Variants in FRMD4B observed in about 807,000 individuals in gnomAD.
FRMD4B encodes the protein FERM domain containing 4B.
A neutral mutation model predicts 141.5 loss-of-function variants in FRMD4B; 74 were observed. That is an observed-to-expected ratio of 0.52 (90% CI 0.43 to 0.63). The LOEUF (loss-of-function observed/expected upper bound fraction) is 0.63. Among genes scored for constraint, FRMD4B ranks in the 30% least tolerant of loss-of-function variants. FRMD4B has a pLI of 0.00. For synonymous variants in FRMD4B, 506 were observed against 467.9 expected (o/e 1.08, Z -1.05); for missense variants, 1,366 against 1,253.4 (o/e 1.09, Z -1.36).
chr3:69,523,914 G>C (rs1477631313), intron 1 of FRMD4B, among the ~76,000 whole-genome samples: 1 of 152,164 alleles, frequency 6.6e-6, no homozygotes, highest in Non-Finnish European at 1.5e-5. Context: ...CCCTCTGTGA[G>C]GGATCAGAAG....
At chr3:69,286,196 C>T (rs1700684401) in intron 5 of FRMD4B, among the ~76,000 whole-genome samples, 1 of 152,132 alleles carries the variant, frequency 6.6e-6, no homozygotes, top group Admixed American at 6.5e-5. Context: ...GAAATATTAA[C>T]CTACACAAGT....
At chr3:69,347,045 T>C (rs1456252945) in intron 1 of FRMD4B, among the ~76,000 whole-genome samples, 1 of 152,150 alleles carries the variant, frequency 6.6e-6, no homozygotes, top group Non-Finnish European at 1.5e-5. Context: ...GCAAATTGGA[T>C]AAAGAGTCAA....
chr3:69,336,200 A>G (rs775390440), intron 1 of FRMD4B, among the ~76,000 whole-genome samples: 8 of 152,192 alleles, frequency 5.3e-5, no homozygotes, highest in Non-Finnish European at 1.0e-4. Context: ...AGAGAACAAG[A>G]GACAAGCTTA....
intron 1 of FRMD4B, among the ~76,000 whole-genome samples, chr3:69,477,920 GGT>G: frequency 6.6e-6 from 1 of 151,466 alleles, no homozygotes; most frequent in East Asian, 1.9e-4. Context: ...ACTTCTTCCT[GGT>G]TTAGTCTTGG....
chr3:69,179,134 G>A (rs1362872307), intron 21 of FRMD4B, among the ~76,000 whole-genome samples: 1 of 152,124 alleles, frequency 6.6e-6, no homozygotes, highest in East Asian at 1.9e-4. Flanking sequence ...TTCCACCCCT[G>A]TAGTTCTTTA....
chr3:69,480,988 C>T (rs1212755038), intron 1 of FRMD4B, among the ~76,000 whole-genome samples: 1 of 152,188 alleles, frequency 6.6e-6, no homozygotes, highest in African/African-American at 2.4e-5. Flanking sequence ...ATCAGCGAGA[C>T]TCCGTGGGCT....
chr3:69,378,187 C>T (rs1407712885), intron 1 of FRMD4B, among the ~76,000 whole-genome samples: 1 of 152,078 alleles, frequency 6.6e-6, no homozygotes, highest in African/African-American at 2.4e-5. Context: ...GCTTGTTAAT[C>T]TCCATTTCAG....
chr3:69,424,759 A>G (rs1030246204), intron 2 of FRMD4B, among the ~76,000 whole-genome samples: 1 of 152,214 alleles, frequency 6.6e-6, no homozygotes, highest in African/African-American at 2.4e-5. Context: ...GGATTTAAAT[A>G]AAAAAGCAAC....
At chr3:69,345,392 T>C (rs1022365887) in intron 1 of FRMD4B, among the ~76,000 whole-genome samples, 2 of 152,216 alleles carry the variant, frequency 1.3e-5, no homozygotes, top group African/African-American at 4.8e-5. Context: ...CCTGCCTCTG[T>C]AGACTCCATC....
intron 1 of FRMD4B, among the ~76,000 whole-genome samples, chr3:69,478,035 G>A (rs1706032944): frequency 6.6e-6 from 1 of 152,018 alleles, no homozygotes; most frequent in Admixed American, 6.6e-5. Context: ...GTATTTCTGA[G>A]GGATCAGTGG....
chr3:69,336,773 T>G (rs935518130), intron 1 of FRMD4B, among the ~76,000 whole-genome samples: 6 of 151,984 alleles, frequency 3.9e-5, no homozygotes, highest in Admixed American at 2.0e-4. Context: ...AGAAACCCTA[T>G]CTCTACTAAA....
intron 2 of FRMD4B, among the ~76,000 whole-genome samples, chr3:69,393,438 A>G (rs1575785500): frequency 6.6e-6 from 1 of 152,022 alleles, no homozygotes; most frequent in Admixed American, 6.6e-5. Context: ...CAAATTTTAG[A>G]AGTTATCTGT....
At chr3:69,220,423 T>C (rs2093182756) in intron 9 of FRMD4B, among the ~76,000 whole-genome samples, 1 of 152,342 alleles carries the variant, frequency 6.6e-6, no homozygotes, top group Admixed American at 6.5e-5. Context: ...ATACCCTTAA[T>C]GGAAATTGTC....
chr3:69,476,839 T>G (rs1209588260), intron 1 of FRMD4B, among the ~76,000 whole-genome samples: 1 of 152,214 alleles, frequency 6.6e-6, no homozygotes, highest in Admixed American at 6.5e-5. Context: ...CCCATAAGCA[T>G]GGAATGTTCT....
Position 69,189,937 on chromosome 3 carries a change from G to T in FRMD4B, c.1730C>A (p.Ser577Ter). Residue 577 changes from serine (S) to a stop codon, truncating the protein, a stop_gained, in exon 18 of 23, where the codon TCA (serine) becomes TAA (stop). Coordinates refer to ENST00000398540, the MANE Select transcript of FRMD4B (RefSeq NM_015123.3). LOFTEE classifies it high-confidence loss of function. ...GGTGTCAGACAAAGAGCTACTCTCT[G>T]AGGGGATTATGTCTTCTGTGAATAA... is the stretch of plus-strand genomic sequence containing the variant. ...ATVLPEDIIP[S>*]ESSSLSDTTT... is the part of the protein sequence containing the mutation. 1 of 1,595,082 alleles carries T rather than the reference G, an allele frequency of 6.3e-7. No individual in the cohort carries two copies.
intron 1 of FRMD4B, among the ~76,000 whole-genome samples, chr3:69,504,974 C>T (rs549168849): frequency 1.3e-5 from 2 of 152,142 alleles, no homozygotes; most frequent in African/African-American, 2.4e-5. Flanking sequence ...CCTTGTGATG[C>T]CTGGAGATAT....
Position 69,176,604 on chromosome 3 carries a change from C to CTG in FRMD4B, c.2903_2904insCA (p.Asp970ArgfsTer65). 6.2e-7 allele frequency: 1 copy of CTG among 1,606,564 alleles called. No homozygotes were observed. Among genetic ancestry groups the CTG allele is most frequent in the Non-Finnish European group, 8.5e-7 (1 of 1,173,132 alleles). On this transcript the variant is annotated frameshift_variant, in exon 22 of 23. Transcript: ENST00000398540. LOFTEE classifies it high-confidence loss of function. ...AATGTGCTGGAGTCTCGTAATCCGA[C>CTG]AGCCCTATGGTTAACTGGGTCCTCC...
In FRMD4B at chr3:69,181,491, G is replaced by T; in HGVS notation, c.2259C>A (p.Thr753=). The T allele has an allele frequency of 6.2e-7, 1 of 1,613,846 alleles. No individual in the cohort carries two copies. Among genetic ancestry groups the T allele is most frequent in the Non-Finnish European group, 8.5e-7 (1 of 1,179,792 alleles). ...VTPVTGPYYT[T]QTLDTRTRGR... is the part of the protein sequence containing the mutation. The stretch of plus-strand genomic sequence containing the variant: ...CCCTGGTGCGAGTGTCCAGGGTCTG[G>T]GTGGTGTAATAGGGGCCGGTAACTG... Residue 753 remains threonine, a synonymous_variant, in exon 21 of 23, where the codon ACC becomes ACA. Coordinates refer to ENST00000398540, the MANE Select transcript of FRMD4B (RefSeq NM_015123.3).
chr3:69,429,525 A>G (rs894604043), intron 2 of FRMD4B, among the ~76,000 whole-genome samples: 7 of 152,214 alleles, frequency 4.6e-5, no homozygotes, highest in Admixed American at 2.0e-4. Flanking sequence ...GGTGATAGAC[A>G]TCCCAATTAC....
Sources: gnomAD v4.1 joint callset for allele counts (sites outside exome capture counted in the v4.1 genomes callset) on GRCh38, gnomAD v4.1.1 for gene constraint, MANE v1.5 for transcripts, NCBI Gene and HGNC (gene_info 2026-07-23, HGNC 2026-07-21) for gene names.